The following CNTN5 variants were observed in gnomAD, a reference collection of about 807,000 sequenced individuals.
CNTN5 encodes the protein contactin-5.
In CNTN5, 77 loss-of-function variants were observed where a neutral mutation model predicts 129.1. The ratio of observed to expected loss-of-function variants is 0.60; its 90% CI spans 0.50 to 0.72. The LOEUF is 0.72. CNTN5 is among the 30% of genes least tolerant of loss of function. The pLI is 0.00. For missense variants in CNTN5, 1,478 were observed against 1,328.8 expected (o/e 1.11, Z -1.75); for synonymous variants, 509 against 465.6 (o/e 1.09, Z -1.20).
chr11:99,644,991 G>T (rs1036939067), intron 3 of CNTN5, among the ~76,000 whole-genome samples: 4 of 151,756 alleles, frequency 2.6e-5, no homozygotes, highest in African/African-American at 9.7e-5. Flanking sequence ...TTGAGGTCAG[G>T]CGTGGTGGCT....
chr11:99,549,064 T>G (rs1207740017), intron 2 of CNTN5, among the ~76,000 whole-genome samples: 5 of 150,216 alleles, frequency 3.3e-5, no homozygotes, highest in African/African-American at 7.3e-5. Flanking sequence ...TTTTTATTCC[T>G]ATTTCCTCTT....
intron 2 of CNTN5, among the ~76,000 whole-genome samples, chr11:99,508,315 C>G (rs1238184046): frequency 1.3e-5 from 2 of 152,100 alleles, no homozygotes; most frequent in African/African-American, 4.8e-5. Context: ...TTCCTTTTCC[C>G]CAGCTACTGG....
chr11:100,024,872 T>C (rs929099241), intron 9 of CNTN5, among the ~76,000 whole-genome samples: 11 of 152,130 alleles, frequency 7.2e-5, no homozygotes, highest in African/African-American at 1.7e-4. Context: ...TGGTTTGGAA[T>C]TGGAACTTAT....
intron 3 of CNTN5, among the ~76,000 whole-genome samples, chr11:99,764,464 G>A (rs1944686978): frequency 6.6e-6 from 1 of 152,066 alleles, no homozygotes; most frequent in South Asian, 2.1e-4. Flanking sequence ...TGTCCAGGCT[G>A]GAGTACAATG....
chr11:100,229,900 T>C (rs2138644754), intron 16 of CNTN5, among the ~76,000 whole-genome samples: 1 of 152,268 alleles, frequency 6.6e-6, no homozygotes, highest in African/African-American at 2.4e-5. Flanking sequence ...TAAGAGCCTA[T>C]TGTGCTTGGA....
At chr11:100,226,552 A>G (rs557195064) in intron 16 of CNTN5, among the ~76,000 whole-genome samples, 1 of 152,294 alleles carries the variant, frequency 6.6e-6, no homozygotes, top group East Asian at 1.9e-4. Context: ...TTCGGATTAT[A>G]CCCAATAGCA....
chr11:99,761,636 G>A (rs1018520272), intron 3 of CNTN5, among the ~76,000 whole-genome samples: 115 of 152,048 alleles, frequency 7.6e-4, no homozygotes, highest in Non-Finnish European at 1.4e-3. Flanking sequence ...TGGTGTATAT[G>A]TGCCACATTT....
rs191738930 is a variant in CNTN5 at position 99,716,437 on chromosome 11, T to G, written c.56-103107T>G. ...CTCTGCTACTCCTCAGTATCCTGAA[T>G]GAGCTCGTCTTCCTCTCTCCACCTC... On this transcript the variant is annotated intron_variant, in intron 3 of 24. Coordinates refer to ENST00000524871, the MANE Select transcript of CNTN5 (RefSeq NM_014361.4). Among the ~76,000 whole-genome samples the G allele has an allele frequency of 4.5e-3, 679 of 152,134 alleles. 2 individuals carry two copies. Among genetic ancestry groups the G allele is most frequent in the Non-Finnish European group, 7.5e-3 (509 of 67,978 alleles).
At chr11:100,286,543 G>A (rs1358290249) in intron 18 of CNTN5, among the ~76,000 whole-genome samples, 1 of 147,446 alleles carries the variant, frequency 6.8e-6, no homozygotes, top group Admixed American at 6.7e-5. Context: ...GCAGCTGAGG[G>A]TCCTGTCTGT....
At chr11:100,171,072 A>G (rs1947812002) in intron 13 of CNTN5, among the ~76,000 whole-genome samples, 1 of 151,636 alleles carries the variant, frequency 6.6e-6, no homozygotes, top group Non-Finnish European at 1.5e-5. Flanking sequence ...TGCCACACAT[A>G]AAAGTTGATT....
intron 8 of CNTN5, among the ~76,000 whole-genome samples, chr11:99,982,175 ATTTAGAAG>A (rs2137364187): frequency 6.6e-6 from 1 of 152,334 alleles, no homozygotes; most frequent in South Asian, 2.1e-4. Flanking sequence ...GACTAAAGCT[ATTTAGAAG>A]ATAGTCTGAA....
At chr11:99,312,538 G>A (rs1045892527) in intron 1 of CNTN5, among the ~76,000 whole-genome samples, 3 of 151,990 alleles carry the variant, frequency 2.0e-5, no homozygotes, top group South Asian at 2.1e-4. Context: ...TTTTCATTCA[G>A]CAGAATGCAT....
chr11:99,191,563 T>C (rs1486296010), intron 1 of CNTN5, among the ~76,000 whole-genome samples: 1 of 151,812 alleles, frequency 6.6e-6, no homozygotes, highest in Non-Finnish European at 1.5e-5. Context: ...AATAGTATTT[T>C]AGGCCATGCA....
chr11:99,172,562 T>C (rs904457827), intron 1 of CNTN5, among the ~76,000 whole-genome samples: 4 of 152,224 alleles, frequency 2.6e-5, no homozygotes, highest in Non-Finnish European at 5.9e-5. Context: ...TTTTTGTATC[T>C]TAAAAATGTT....
chr11:99,687,049 C>T (rs1002781644), intron 3 of CNTN5, among the ~76,000 whole-genome samples: 1 of 152,124 alleles, frequency 6.6e-6, no homozygotes, highest in Non-Finnish European at 1.5e-5. Context: ...CTGACACTGT[C>T]AGTCTACGTG....
chr11:99,023,610 T>C (rs577422899), intron 1 of CNTN5, among the ~76,000 whole-genome samples: 2 of 152,344 alleles, frequency 1.3e-5, no homozygotes, highest in South Asian at 2.1e-4. Context: ...GAGAGTTTGA[T>C]TGGCTAAAAC....
chr11:100,289,368 C>T (rs960710565), intron 18 of CNTN5, among the ~76,000 whole-genome samples: 2 of 151,900 alleles, frequency 1.3e-5, no homozygotes, highest in Non-Finnish European at 2.9e-5. Context: ...CAATAAAATA[C>T]TGGCAAACCG....
rs1039024975 is a variant in CNTN5, at chr11:99,615,011, ATATC to A, written c.55+58746_55+58749del. On this transcript the variant is annotated intron_variant, in intron 3 of 24. Coordinates refer to ENST00000524871, the MANE Select transcript of CNTN5 (RefSeq NM_014361.4). ...GACAGATAAATATAGAAGTAATACT[ATATC>A]TATTTTATTATATATACCTATTATA... is the stretch of plus-strand genomic sequence containing the variant. Among the ~76,000 whole-genome samples, 8 of 149,608 alleles carry A rather than the reference ATATC, an allele frequency of 5.3e-5. No individual in the cohort carries two copies. In the South Asian group the frequency reaches 1.5e-3, roughly 27 times the overall value.
At chr11:99,170,726 T>A (rs1861108284) in intron 1 of CNTN5, among the ~76,000 whole-genome samples, 1 of 152,212 alleles carries the variant, frequency 6.6e-6, no homozygotes, top group Admixed American at 6.5e-5. Flanking sequence ...AAATGCATAT[T>A]CAATTTTATT....
Sources: gnomAD v4.1 joint callset for allele counts (sites outside exome capture counted in the v4.1 genomes callset) on GRCh38, gnomAD v4.1.1 for gene constraint, MANE v1.5 for transcripts, NCBI Gene and HGNC (gene_info 2026-07-23, HGNC 2026-07-21) for gene names.